The following UNC5C variants were observed in gnomAD, a reference collection of about 807,000 sequenced individuals.
UNC5C encodes the protein netrin receptor UNC5C.
Under a neutral mutation model 99.8 loss-of-function variants are expected in UNC5C, and 47 were observed. The observed-to-expected ratio is 0.47, with a 90% confidence interval of 0.37 to 0.60. The LOEUF is 0.60. Among genes scored for constraint, UNC5C ranks in the 20% least tolerant of loss-of-function variants. UNC5C has a pLI of 0.00. For missense variants in UNC5C, 1,062 were observed against 1,165.9 expected, an observed-to-expected ratio of 0.91 and a Z score of 1.30; for synonymous variants, 487 against 452.2, an observed-to-expected ratio of 1.08 and a Z score of -0.98.
rs1345937234 is a variant in UNC5C, at chr4:95,548,878, G to C, written c.-21C>G. On this transcript the variant is annotated 5_prime_UTR_variant, in exon 1 of 16. Transcript: ENST00000453304. ...CTCATCGTAGACAGAGGTGTGCCGGGGGGAGGGGAGGGGGACAGAGAGACG... is the reference window on the plus strand; with the variant it reads ...CTCATCGTAGACAGAGGTGTGCCGGCGGGAGGGGAGGGGGACAGAGAGACG... 1.9e-6 allele frequency: 3 copies of C among 1,611,200 alleles called. No individual in the cohort carries two copies. Among genetic ancestry groups the C allele is most frequent in the Non-Finnish European group, 1.7e-6 (2 of 1,179,154 alleles).
chr4:95,263,705 T>C (rs1337603297), intron 4 of UNC5C, among the ~76,000 whole-genome samples: 3 of 152,226 alleles, frequency 2.0e-5, no homozygotes, highest in Non-Finnish European at 4.4e-5. Flanking sequence ...TCACTCAACC[T>C]TATTTTTCTA....
chr4:95,356,193 C>CAAAAAAAAAAAAAAAAAAAA (rs59097041), intron 1 of UNC5C, among the ~76,000 whole-genome samples: 2 of 57,996 alleles, frequency 3.4e-5, no homozygotes, highest in African/African-American at 1.6e-4. Context: ...GACCCTGTAG[C>CAAAAAAAAAAAAAAAAAAAA]AAAAAAAAAA....
intron 12 of UNC5C, among the ~76,000 whole-genome samples, chr4:95,198,732 T>C (rs1194141544): frequency 6.6e-6 from 1 of 152,078 alleles, no homozygotes; most frequent in Admixed American, 6.6e-5. Context: ...CCTCTTGGCC[T>C]TGGGGTTTGT....
intron 3 of UNC5C, among the ~76,000 whole-genome samples, chr4:95,294,843 A>G (rs1434368887): frequency 6.6e-6 from 1 of 152,220 alleles, no homozygotes; most frequent in Non-Finnish European, 1.5e-5. Context: ...TGTGTCTGGC[A>G]CTATGTCATA....
At chr4:95,379,288 T>G (rs1007308523) in intron 1 of UNC5C, among the ~76,000 whole-genome samples, 1 of 152,220 alleles carries the variant, frequency 6.6e-6, no homozygotes, top group Non-Finnish European at 1.5e-5. Context: ...TTGATTTTTG[T>G]CTCAGTCACA....
At chr4:95,280,620 C>T (rs1036794408) in intron 3 of UNC5C, among the ~76,000 whole-genome samples, 44 of 151,570 alleles carry the variant, frequency 2.9e-4, no homozygotes, top group Admixed American at 5.3e-4. Flanking sequence ...ACCCAGGAGG[C>T]GGAGGTTGCA....
rs1738379313 is a variant in UNC5C at position 95,219,328 on chromosome 4, GAAAAT to G, written c.1301-20_1301-16del. ...AGCCAGCAGATCTGAGTCAGAAAGA[GAAAAT>G]AATCCCATTGGCATTCTCCATTCAG... On this transcript the variant is annotated splice_polypyrimidine_tract_variant and intron_variant, in intron 8 of 15. Transcript: ENST00000453304. 1 of 1,606,108 alleles carries G rather than the reference GAAAAT, an allele frequency of 6.2e-7. No homozygotes were observed. Among genetic ancestry groups the G allele is most frequent in the Non-Finnish European group, 8.5e-7 (1 of 1,175,348 alleles).
At chr4:95,381,369 A>G (rs535906651) in intron 1 of UNC5C, among the ~76,000 whole-genome samples, 26 of 152,300 alleles carry the variant, frequency 1.7e-4, no homozygotes, top group Admixed American at 4.6e-4. Flanking sequence ...ATGAAAGGAA[A>G]ACGTGTGTAT....
intron 1 of UNC5C, among the ~76,000 whole-genome samples, chr4:95,338,832 A>G (rs1743446186): frequency 6.6e-6 from 1 of 152,090 alleles, no homozygotes; most frequent in Non-Finnish European, 1.5e-5. Flanking sequence ...ATGTTTTAAC[A>G]ATAGAAATAT....
intron 1 of UNC5C, among the ~76,000 whole-genome samples, chr4:95,453,522 G>A (rs1747333390): frequency 6.6e-6 from 1 of 151,894 alleles, no homozygotes; most frequent in African/African-American, 2.4e-5. Context: ...AAACAAAAAA[G>A]AAACAGAACC....
chr4:95,512,026 G>A (rs1722089706), intron 1 of UNC5C, among the ~76,000 whole-genome samples: 1 of 152,094 alleles, frequency 6.6e-6, no homozygotes, highest in Non-Finnish European at 1.5e-5. Flanking sequence ...TGGGCACCAA[G>A]TGCTGGGAGA....
chr4:95,263,072 C>T (rs532258474), intron 4 of UNC5C, among the ~76,000 whole-genome samples: 4 of 152,266 alleles, frequency 2.6e-5, no homozygotes, highest in Admixed American at 2.0e-4. Context: ...GCCTCGGCCT[C>T]CCAAAGTGCT....
intron 1 of UNC5C, among the ~76,000 whole-genome samples, chr4:95,412,281 C>T (rs1746013616): frequency 6.6e-6 from 1 of 152,290 alleles, no homozygotes; most frequent in East Asian, 1.9e-4. Context: ...TATCGCTCCA[C>T]ACAAAATTCC....
intron 2 of UNC5C, among the ~76,000 whole-genome samples, chr4:95,333,265 T>C (rs2149419815): frequency 6.6e-6 from 1 of 152,224 alleles, no homozygotes. Context: ...TAAAGACACA[T>C]GCACACGTAT....
At chr4:95,241,130 A>G (rs1478672163) in intron 7 of UNC5C, among the ~76,000 whole-genome samples, 1 of 152,244 alleles carries the variant, frequency 6.6e-6, no homozygotes, top group South Asian at 2.1e-4. Context: ...TGTATGTGGT[A>G]TGTTGCTATT....
chr4:95,525,335 A>G (rs1722470282), intron 1 of UNC5C, among the ~76,000 whole-genome samples: 1 of 152,100 alleles, frequency 6.6e-6, no homozygotes, highest in Non-Finnish European at 1.5e-5. Flanking sequence ...TTCCAGCCAT[A>G]TACTCTTATA....
chr4:95,420,432 G>A (rs1467299676), intron 1 of UNC5C, among the ~76,000 whole-genome samples: 2 of 152,038 alleles, frequency 1.3e-5, no homozygotes, highest in Admixed American at 6.6e-5. Flanking sequence ...ATTTGTTCTA[G>A]TTATTAGCCC....
In UNC5C at chr4:95,404,498, T is replaced by C. The variant is rs563711220; in HGVS notation, c.125-68867A>G. On this transcript the variant is annotated intron_variant, in intron 1 of 15. Transcript: ENST00000453304. ...CCAAAGCCCATGGATATAAATAGTT[T>C]TTTGCCTGTTACTATTCAACTGTAT... Among the ~76,000 whole-genome samples the C allele has an allele frequency of 7.9e-5, 12 of 152,300 alleles. No individual in the cohort carries two copies. The East Asian group carries it at 2.3e-3, about 29-fold the overall frequency.
chr4:95,243,220 G>A (rs563209195), intron 6 of UNC5C, among the ~76,000 whole-genome samples: 2 of 151,966 alleles, frequency 1.3e-5, no homozygotes, highest in Admixed American at 6.5e-5. Flanking sequence ...ATTTGATGAT[G>A]TTTCTGTTTC....
Sources: allele counts gnomAD v4.1 joint callset (sites outside exome capture counted in the v4.1 genomes callset), GRCh38; gene constraint gnomAD v4.1.1; transcripts MANE v1.5; gene names NCBI Gene and HGNC (gene_info 2026-07-23, HGNC 2026-07-21).